ARK2C: variants seen among roughly 807,000 people sequenced by gnomAD.
The protein encoded by ARK2C is E3 ubiquitin-protein ligase ARK2C.
chr18:46,343,459 G>T, the ARK2C span, among the ~76,000 whole-genome samples: 81 of 152,352 alleles, frequency 5.3e-4, no homozygotes, highest in South Asian at 0.016. Context: ...TAGGAAACAA[G>T]TCGAGAAGCC....
chr18:46,429,594 A>G, the ARK2C span, among the ~76,000 whole-genome samples: 13 of 152,218 alleles, frequency 8.5e-5, no homozygotes, highest in Non-Finnish European at 1.6e-4. Flanking sequence ...CTGTTGAGCC[A>G]AGTATAACAT....
At chr18:46,340,998 A>T in the ARK2C span, among the ~76,000 whole-genome samples, 1 of 152,194 alleles carries the variant, frequency 6.6e-6, no homozygotes, top group Admixed American at 6.5e-5. Flanking sequence ...ATTTGGCAAG[A>T]ACAGAAAGTA....
the ARK2C span, among the ~76,000 whole-genome samples, chr18:46,390,953 A>G: frequency 6.6e-6 from 1 of 152,192 alleles, no homozygotes; most frequent in Non-Finnish European, 1.5e-5. Flanking sequence ...CTGCACCTCT[A>G]CCATCTATAA....
chr18:46,392,858 C>A, the ARK2C span, among the ~76,000 whole-genome samples: 1 of 152,184 alleles, frequency 6.6e-6, no homozygotes, highest in African/African-American at 2.4e-5. Flanking sequence ...TTGGACCCTT[C>A]AGTGAGATGA....
the ARK2C span, among the ~76,000 whole-genome samples, chr18:46,456,268 G>T: frequency 9.9e-5 from 15 of 152,212 alleles, no homozygotes; most frequent in African/African-American, 3.6e-4. Flanking sequence ...TGATGCCCGG[G>T]TACGGACGCG....
chr18:46,383,721 A>C, the ARK2C span, among the ~76,000 whole-genome samples: 93,688 of 151,424 alleles, frequency 0.62, 29,017 homozygotes, highest in East Asian at 0.68. Flanking sequence ...CGCCCGGCTA[A>C]TTTTTTGTAT....
At chr18:46,365,560 A>T in the ARK2C span, among the ~76,000 whole-genome samples, 1 of 152,034 alleles carries the variant, frequency 6.6e-6, no homozygotes. Context: ...CTGGAGTGCA[A>T]TGGTGCGATC....
chr18:46,432,567 G>T, the ARK2C span, among the ~76,000 whole-genome samples: 1 of 152,294 alleles, frequency 6.6e-6, no homozygotes, highest in Admixed American at 6.5e-5. Flanking sequence ...CAGTGGGCTT[G>T]CATAGGAGTC....
chr18:46,360,232 CCA>C, the ARK2C span, among the ~76,000 whole-genome samples: 1 of 152,198 alleles, frequency 6.6e-6, no homozygotes, highest in African/African-American at 2.4e-5. Flanking sequence ...CCCTCAGTCT[CCA>C]CCAAGGGTGC....
chr18:46,421,960 A>G, the ARK2C span, among the ~76,000 whole-genome samples: 2 of 152,204 alleles, frequency 1.3e-5, no homozygotes, highest in African/African-American at 4.8e-5. Flanking sequence ...GGCCCTTGGC[A>G]TACTCCATTG....
chr18:46,432,425 G>A, the ARK2C span, among the ~76,000 whole-genome samples: 1 of 151,998 alleles, frequency 6.6e-6, no homozygotes, highest in African/African-American at 2.4e-5. Context: ...ACAACTTCTG[G>A]TTGTTTTATT....
At chr18:46,419,089 T>A in the ARK2C span, among the ~76,000 whole-genome samples, 1 of 152,338 alleles carries the variant, frequency 6.6e-6, no homozygotes, top group Admixed American at 6.5e-5. Flanking sequence ...GTCCCCGAGT[T>A]CACCCCAGAA....
At chr18:46,399,821 T>C in the ARK2C span, among the ~76,000 whole-genome samples, 1 of 152,204 alleles carries the variant, frequency 6.6e-6, no homozygotes, top group Non-Finnish European at 1.5e-5. Flanking sequence ...CCTGCTCTTA[T>C]TCTTCTCCTT....
the ARK2C span, among the ~76,000 whole-genome samples, chr18:46,345,810 G>A: frequency 7.2e-3 from 1,091 of 152,258 alleles, 16 homozygotes; most frequent in African/African-American, 0.025. Flanking sequence ...GCTGTGCCCC[G>A]ACTCCCGGGG....
At chr18:46,447,901 TC>T in the ARK2C span, among the ~76,000 whole-genome samples, 2 of 137,374 alleles carry the variant, frequency 1.5e-5, no homozygotes, top group Admixed American at 7.4e-5. Flanking sequence ...GTGTCCTGGC[TC>T]CCTGGCAGAT....
the ARK2C span, among the ~76,000 whole-genome samples, chr18:46,453,347 A>T: frequency 6.6e-6 from 1 of 152,128 alleles, no homozygotes; most frequent in Non-Finnish European, 1.5e-5. Flanking sequence ...CAGGAGCAGC[A>T]CCTGTGTCCC....
At chr18:46,407,615 G>C in the ARK2C span, among the ~76,000 whole-genome samples, 3 of 152,040 alleles carry the variant, frequency 2.0e-5, no homozygotes, top group Non-Finnish European at 2.9e-5. Context: ...TAATGCAGAG[G>C]GTATTTCCAG....
the ARK2C span, among the ~76,000 whole-genome samples, chr18:46,384,993 C>T: frequency 2.6e-5 from 4 of 152,208 alleles, no homozygotes; most frequent in African/African-American, 7.2e-5. Context: ...CCTTTGTGCC[C>T]GTAGACAGTA....
At chr18:46,363,870 A>C in the ARK2C span, among the ~76,000 whole-genome samples, 1 of 151,452 alleles carries the variant, frequency 6.6e-6, no homozygotes, top group East Asian at 1.9e-4. Context: ...GTCACCTTTC[A>C]GTGGGTCTGA....
Sources: gnomAD v4.1 joint callset for allele counts (sites outside exome capture counted in the v4.1 genomes callset) on GRCh38, gnomAD v4.1.1 for gene constraint, MANE v1.5 for transcripts, NCBI Gene and HGNC (gene_info 2026-07-23, HGNC 2026-07-21) for gene names.